The following NRXN3 variants were observed in gnomAD, a reference collection of about 807,000 sequenced individuals.
NRXN3 encodes neurexin III.
A neutral mutation model predicts 137.6 loss-of-function variants in NRXN3; 32 were observed. The observed-to-expected ratio is 0.23, with a 90% CI of 0.18 to 0.31. NRXN3 has a LOEUF of 0.31. Among genes scored for constraint, NRXN3 ranks in the 10% least tolerant of loss-of-function variants. The pLI is 1.00. For missense variants in NRXN3, 1,574 were observed against 2,062.5 expected (o/e 0.76, Z 4.59); for synonymous variants, 798 against 784.5 (o/e 1.02, Z -0.29).
At chr14:78,430,696 A>G (rs1342111163) in intron 4 of NRXN3, among the ~76,000 whole-genome samples, 1 of 152,182 alleles carries the variant, frequency 6.6e-6, no homozygotes, top group Non-Finnish European at 1.5e-5. Flanking sequence ...TCTGCCCTGC[A>G]TAGGTCTTGT....
chr14:79,348,555 T>TA (rs1253986968), intron 15 of NRXN3, among the ~76,000 whole-genome samples: 1 of 152,090 alleles, frequency 6.6e-6, no homozygotes, highest in African/African-American at 2.4e-5. Context: ...TTTTTGTATT[T>TA]TTTAGTAGAG....
Position 79,794,732 on chromosome 14 carries a change from C to T in NRXN3, c.4015-10380C>T, listed in dbSNP as rs191949060. Among the ~76,000 whole-genome samples the T allele has an allele frequency of 3.9e-5, 6 of 152,300 alleles. No individual in the cohort carries two copies. In the East Asian group the frequency reaches 1.2e-3, roughly 29 times the overall value. ...ACTCTTGCCTAGAAGACAGTACCAA[C>T]CTCCCAAGGAGAAACATTGGGGGAT... On this transcript the variant is annotated intron_variant, in intron 19 of 20. Transcript: ENST00000335750.
intron 10 of NRXN3, among the ~76,000 whole-genome samples, chr14:78,819,390 A>G (rs980771532): frequency 1.3e-5 from 2 of 152,228 alleles, no homozygotes; most frequent in African/African-American, 2.4e-5. Context: ...ATACAAATAA[A>G]AATACATATA....
chr14:79,151,216 A>G (rs370889107), intron 15 of NRXN3, among the ~76,000 whole-genome samples: 14 of 152,042 alleles, frequency 9.2e-5, no homozygotes, highest in African/African-American at 3.4e-4. Flanking sequence ...AAGGGATACC[A>G]TTTTGCCTTT....
At chr14:79,850,201 G>C (rs73336380) in intron 20 of NRXN3, among the ~76,000 whole-genome samples, 1 of 152,048 alleles carries the variant, frequency 6.6e-6, no homozygotes, top group Admixed American at 6.6e-5. Flanking sequence ...CAGCCCTCCC[G>C]GTTTGTAACT....
At chr14:78,632,610 T>G (rs1046988640) in intron 4 of NRXN3, among the ~76,000 whole-genome samples, 1 of 152,206 alleles carries the variant, frequency 6.6e-6, no homozygotes, top group African/African-American at 2.4e-5. Flanking sequence ...CTTCTGAGCC[T>G]TAGTTTTATC....
intron 4 of NRXN3, among the ~76,000 whole-genome samples, chr14:78,541,519 A>C (rs889216091): frequency 2.0e-5 from 3 of 152,046 alleles, no homozygotes; most frequent in African/African-American, 7.2e-5. Context: ...TTCATGTAAT[A>C]TTTTTTCAAG....
intron 16 of NRXN3, among the ~76,000 whole-genome samples, chr14:79,652,460 T>G (rs1379873068): frequency 6.6e-6 from 1 of 152,172 alleles, no homozygotes; most frequent in Non-Finnish European, 1.5e-5. Flanking sequence ...CTGCCATATC[T>G]TAGGGGAACA....
chr14:79,371,765 G>A (rs112718075), intron 15 of NRXN3, among the ~76,000 whole-genome samples: 4,409 of 152,138 alleles, frequency 0.029, 211 homozygotes, highest in African/African-American at 0.099. Context: ...CACCTTCATA[G>A]TAATGGTACT....
intron 10 of NRXN3, among the ~76,000 whole-genome samples, chr14:78,862,456 GGATATCCCTATAA>G (rs2152533001): frequency 6.6e-6 from 1 of 152,130 alleles, no homozygotes; most frequent in Non-Finnish European, 1.5e-5. Context: ...AGTACCAGCA[GGATATCCCTATAA>G]GATTTTTTAG....
At chr14:79,623,849 G>GTTTTT (rs571687023) in intron 16 of NRXN3, among the ~76,000 whole-genome samples, 3,789 of 97,668 alleles carry the variant, frequency 0.039, 96 homozygotes, top group African/African-American at 0.062. Context: ...CTTAGCTCCT[G>GTTTTT]TTTTTTTTTT....
chr14:79,780,994 C>T (rs570786769), intron 19 of NRXN3, among the ~76,000 whole-genome samples: 43 of 151,966 alleles, frequency 2.8e-4, no homozygotes, highest in Non-Finnish European at 5.3e-4. Context: ...GTAAGATGTA[C>T]CTCTCTCTTT....
At chr14:78,957,757 C>A (rs961189005) in intron 11 of NRXN3, among the ~76,000 whole-genome samples, 5 of 152,092 alleles carry the variant, frequency 3.3e-5, no homozygotes, top group Admixed American at 3.3e-4. Context: ...GATGGGCAAA[C>A]CAGAAATTCA....
At chr14:78,300,257 A>G (rs548773896) in intron 4 of NRXN3, among the ~76,000 whole-genome samples, 110 of 152,388 alleles carry the variant, frequency 7.2e-4, no homozygotes, top group African/African-American at 2.5e-3. Context: ...AGGAAAATAC[A>G]GGAGAACCTA....
At chr14:78,316,519 G>GT (rs2078727816) in intron 4 of NRXN3, among the ~76,000 whole-genome samples, 1 of 152,084 alleles carries the variant, frequency 6.6e-6, no homozygotes, top group African/African-American at 2.4e-5. Flanking sequence ...TTGTTTGTTT[G>GT]TTTTTTTCCT....
intron 4 of NRXN3, among the ~76,000 whole-genome samples, chr14:78,561,551 G>A (rs1240917171): frequency 6.6e-6 from 1 of 152,168 alleles, no homozygotes; most frequent in African/African-American, 2.4e-5. Flanking sequence ...TGCCATAGGG[G>A]ACACAGAGGG....
intron 10 of NRXN3, among the ~76,000 whole-genome samples, chr14:78,815,992 G>A (rs552200655): frequency 1.3e-5 from 2 of 152,254 alleles, no homozygotes; most frequent in South Asian, 2.1e-4. Flanking sequence ...CAAGCTATAA[G>A]CATTGCACTT....
chr14:78,347,065 A>G (rs73308941), intron 4 of NRXN3, among the ~76,000 whole-genome samples: 3,610 of 152,290 alleles, frequency 0.024, 122 homozygotes, highest in African/African-American at 0.078. Context: ...AGAGGAGTGG[A>G]AAACTGTTTT....
At chr14:78,887,909 T>C (rs551407817) in intron 10 of NRXN3, among the ~76,000 whole-genome samples, 3 of 152,066 alleles carry the variant, frequency 2.0e-5, no homozygotes, top group Non-Finnish European at 4.4e-5. Flanking sequence ...TCTCTGTGTA[T>C]CCAGAATGCC....
Sources: allele counts gnomAD v4.1 joint callset (sites outside exome capture counted in the v4.1 genomes callset), GRCh38; gene constraint gnomAD v4.1.1; transcripts MANE v1.5; gene names NCBI Gene and HGNC (gene_info 2026-07-23, HGNC 2026-07-21).